P4HB: variants seen among roughly 807,000 people sequenced by gnomAD.
The protein encoded by P4HB is protein disulfide-isomerase.
Under a neutral mutation model 52.6 loss-of-function variants are expected in P4HB, and 20 were observed. The ratio of observed to expected loss-of-function variants is 0.38; its 90% CI spans 0.27 to 0.55. The LOEUF is 0.55. Among genes scored for constraint, P4HB ranks in the 20% least tolerant of loss-of-function variants. P4HB has a pLI of 0.74. For missense variants in P4HB, 601 were observed against 669.2 expected (o/e 0.90, Z 1.12); for synonymous variants, 296 against 277.9 (o/e 1.07, Z -0.65).
At chr17:81,857,605 C>T (rs1303745299) in intron 2 of P4HB, among the ~76,000 whole-genome samples, 1 of 152,242 alleles carries the variant, frequency 6.6e-6, no homozygotes, top group East Asian at 1.9e-4. Flanking sequence ...GACGCCCCGC[C>T]CACCTGACTC....
Position 81,855,199 on chromosome 17 carries a change from G to C in P4HB, c.567C>G (p.Asn189Lys). Residue 189 changes from asparagine to lysine, a missense_variant, in exon 4 of 11, where the codon AAC (asparagine) becomes AAG (lysine). Coordinates refer to ENST00000331483, the MANE Select transcript of P4HB (RefSeq NM_000918.4). This position sits in a 1 kb window ranked among gnomAD's most constrained non-coding sequence, Gnocchi z 4.3. ...IDDIPFGITS[N>K]SDVFSKYQLD... ...GCTGGTATTTGGAGAACACGTCACT[G>C]TTGGAAGTGATCCCAAATGGTATGT... The C allele has an allele frequency of 6.2e-7, 1 of 1,613,940 alleles. No homozygotes were observed. Among genetic ancestry groups the C allele is most frequent in the Non-Finnish European group, 8.5e-7 (1 of 1,179,862 alleles).
At chr17:81,856,862 C>A (rs1182960472) in intron 2 of P4HB, among the ~76,000 whole-genome samples, 1 of 151,916 alleles carries the variant, frequency 6.6e-6, no homozygotes, top group African/African-American at 2.4e-5. Context: ...GTTGGCCAGG[C>A]TGGTCTTGAA....
chr17:81,860,278 C>T (rs2038978633), intron 1 of P4HB, 49 bp downstream of exon 1: 4 of 1,356,200 alleles, frequency 2.9e-6, no homozygotes, highest in African/African-American at 3.1e-5. Flanking sequence ...TCCCAAGAGC[C>T]TGGCTCAGCG....
chr17:81,847,452 C>G (rs1315266095), intron 4 of P4HB, 105 bp from the exon 5 acceptor site: 1 of 931,350 alleles, frequency 1.1e-6, no homozygotes, highest in East Asian at 2.4e-5. Flanking sequence ...GCAGCCCTGC[C>G]CTCCCGTGGG....
At chr17:81,857,222 C>T (rs1331101185) in intron 2 of P4HB, among the ~76,000 whole-genome samples, 1 of 152,264 alleles carries the variant, frequency 6.6e-6, no homozygotes, top group Middle Eastern at 3.4e-3. Context: ...GATCTCAGCT[C>T]ACTGCAACCT....
intron 9 of P4HB, 89 bp downstream of exon 9, chr17:81,845,472 A>C: frequency 6.1e-6 from 8 of 1,310,406 alleles, no homozygotes; most frequent in Non-Finnish European, 8.3e-6. Flanking sequence ...GACTAGCCCC[A>C]GGCTCCTTCC....
chr17:81,844,219 G>A, intron 10 of P4HB, 127 bp from the exon 11 acceptor site: 1 of 766,638 alleles, frequency 1.3e-6, no homozygotes, highest in East Asian at 2.4e-5. Context: ...ACCGGCCACT[G>A]GAGCAGCCAA....
At position 81,845,946 on chromosome 17, in the gene P4HB, G is replaced by C; in HGVS notation, c.1102C>G (p.Pro368Ala). The change falls in exon 8 of 11, where the codon CCT becomes GCT. Residue 368 changes from proline (P) to alanine (A), a missense_variant. Coordinates refer to ENST00000331483, the MANE Select transcript of P4HB (RefSeq NM_000918.4). ...TTCTTCCCAACAAGCACCTTGACAGGCTGCTTGTCCCAGTCCTCCGGCAGC... is the reference window on the plus strand; with the variant it reads ...TTCTTCCCAACAAGCACCTTGACAGCCTGCTTGTCCCAGTCCTCCGGCAGC... ...QELPEDWDKQ[P>A]VKVLVGKNFE... 6.2e-7 allele frequency: 1 copy of C among 1,613,230 alleles called. No individual in the cohort carries two copies. Among genetic ancestry groups the C allele is most frequent in the Non-Finnish European group, 8.5e-7 (1 of 1,179,678 alleles).
intron 2 of P4HB, among the ~76,000 whole-genome samples, chr17:81,857,302 C>T (rs763354030): frequency 6.6e-6 from 1 of 152,162 alleles, no homozygotes; most frequent in Non-Finnish European, 1.5e-5. Context: ...CGTGCACCAC[C>T]ACGCCCGGCT....
chr17:81,856,661 T>C (rs1056254375), intron 2 of P4HB, among the ~76,000 whole-genome samples: 2 of 150,318 alleles, frequency 1.3e-5, no homozygotes, highest in African/African-American at 4.9e-5. Flanking sequence ...TTTTTTTTTT[T>C]TTTTGAGACG....
In P4HB at chr17:81,846,342, G is replaced by T; in HGVS notation, c.1056+87C>A. 1 of 1,225,108 alleles carries T rather than the reference G, an allele frequency of 8.2e-7. No homozygotes were observed. The highest frequency in any genetic ancestry group is 1.2e-5 in the South Asian group (1 of 81,084). The allele number at this position is 1,225,108 out of a possible 1,614,324, so 75.9% of individuals were successfully genotyped here. ...CTTACTCTGAAGATCTTACTTTGAG[G>T]ACGAAGCCCAGGACACTGAGAGCCC... On this transcript the variant is annotated intron_variant, in intron 7 of 10. Transcript: ENST00000331483. This position sits in a 1 kb window ranked among gnomAD's most constrained non-coding sequence, Gnocchi z 5.7.
In P4HB at chr17:81,855,875, T is replaced by G. The variant is rs552608991; in HGVS notation, c.353-289A>C. 2.9e-5 allele frequency: 10 copies of G among 345,914 alleles called. No homozygotes were observed. The highest frequency in any genetic ancestry group is 6.4e-5 in the African/African-American group (3 of 47,050). The allele number at this position is 345,914 out of a possible 1,614,324, so 21.4% of individuals were successfully genotyped here. On this transcript the variant is annotated intron_variant, in intron 2 of 10. Coordinates refer to ENST00000331483, the MANE Select transcript of P4HB (RefSeq NM_000918.4). This position sits in a 1 kb window ranked among gnomAD's most constrained non-coding sequence, Gnocchi z 4.3. ...TTTTTTCTCTGATCTCTCTGCATTT[T>G]CTTTTTTCTTTTGACACAGGGGCTC... is the stretch of plus-strand genomic sequence containing the variant.
intron 4 of P4HB, among the ~76,000 whole-genome samples, chr17:81,850,712 A>C (rs1051664547): frequency 6.6e-6 from 1 of 152,012 alleles, no homozygotes; most frequent in Non-Finnish European, 1.5e-5. Flanking sequence ...CAAGCTCCTG[A>C]CTTCAGGTGA....
chr17:81,855,359 A>AG lies in P4HB; in HGVS notation c.487-81dup, dbSNP rs2038896707. The AG allele has an allele frequency of 6.9e-6, 11 of 1,601,698 alleles. No individual in the cohort carries two copies. The highest frequency in any genetic ancestry group is 1.1e-5 in the South Asian group (1 of 90,072). Reference sequence around the variant, plus strand: ...GGGCAGACCCTGTAGAGCCCAGGCCAGGGGGGACACGTGCAGAACTGCCAG... The same window carrying AG: ...GGGCAGACCCTGTAGAGCCCAGGCCAGGGGGGGACACGTGCAGAACTGCCAG... On this transcript the variant is annotated intron_variant, in intron 3 of 10. Coordinates refer to ENST00000331483, the MANE Select transcript of P4HB (RefSeq NM_000918.4). The surrounding 1 kb of genome is among the most constrained non-coding windows in gnomAD (Gnocchi z 4.3).
rs2038957406 is a variant in P4HB, at chr17:81,859,029, A to T, written c.352+152T>A. 7.7e-6 allele frequency: 5 copies of T among 651,428 alleles called. No homozygotes were observed. The East Asian group carries it at 1.3e-4, about 17-fold the overall frequency. The allele number at this position is 651,428 out of a possible 1,614,324, so 40.4% of individuals were successfully genotyped here. On this transcript the variant is annotated intron_variant, in intron 2 of 10. Coordinates refer to ENST00000331483, the MANE Select transcript of P4HB (RefSeq NM_000918.4). Reference sequence around the variant, plus strand: ...AAACTCCTCACAAGACCCTCAGGGCACAAGTGGACAGAGAACCCGGCCTGA... The same window carrying T: ...AAACTCCTCACAAGACCCTCAGGGCTCAAGTGGACAGAGAACCCGGCCTGA...
chr17:81,855,200 T>C lies in P4HB; in HGVS notation c.566A>G (p.Asn189Ser), dbSNP rs777496228. The change falls in exon 4 of 11, where the codon AAC becomes AGC. Residue 189 changes from asparagine (N) to serine (S), a missense_variant. By Grantham distance (46) the Asn-to-Ser change is conservative. Transcript: ENST00000331483. The surrounding 1 kb of genome is among the most constrained non-coding windows in gnomAD (Gnocchi z 4.3). ...IDDIPFGITS[N>S]SDVFSKYQLD... ...CTGGTATTTGGAGAACACGTCACTGTTGGAAGTGATCCCAAATGGTATGTC... is the reference window on the plus strand; with the variant it reads ...CTGGTATTTGGAGAACACGTCACTGCTGGAAGTGATCCCAAATGGTATGTC... 6.8e-6 allele frequency: 11 copies of C among 1,613,880 alleles called. No individual in the cohort carries two copies. In the African/African-American group the frequency reaches 8.0e-5, roughly 12 times the overall value.
rs1425931944 is a variant in P4HB at position 81,846,223 on chromosome 17, G to C, written c.1056+206C>G. ...GCCGGCCAGGAGGTTTCCCTGAGGA[G>C]CATCTGGGCCAGCCGTGTGGACAAG... On this transcript the variant is annotated intron_variant, in intron 7 of 10. Coordinates refer to ENST00000331483, the MANE Select transcript of P4HB (RefSeq NM_000918.4). The surrounding 1 kb of genome is among the most constrained non-coding windows in gnomAD (Gnocchi z 5.7). 2.8e-6 allele frequency: 2 copies of C among 722,670 alleles called. No individual in the cohort carries two copies. Among genetic ancestry groups the C allele is most frequent in the African/African-American group, 1.8e-5 (1 of 56,104 alleles). 44.8% of individuals were successfully genotyped at this position (722,670 alleles called of 1,614,324 possible). A position where few individuals can be genotyped will look rare whatever the true frequency, so the allele number is the denominator to read the frequency against.
intron 2 of P4HB, among the ~76,000 whole-genome samples, chr17:81,858,633 T>A (rs2038951690): frequency 6.6e-6 from 1 of 152,160 alleles, no homozygotes; most frequent in Non-Finnish European, 1.5e-5. Flanking sequence ...GGGCCCGTGC[T>A]ACAGACGGAG....
Position 81,847,025 on chromosome 17 carries a change from C to G in P4HB, c.777G>C (p.Leu259=). Residue 259 remains leucine (L), a synonymous_variant, in exon 6 of 11, where the codon CTG becomes CTC. Coordinates refer to ENST00000331483, the MANE Select transcript of P4HB (RefSeq NM_000918.4). ...FGGEIKTHIL[L]FLPKSVSDYD... is the part of the protein sequence containing the mutation. ...AGTCAGACACACTCTTGGGCAAGAACAGCAGGATGTGAGTCTTGATTTCAC... is the reference window on the plus strand; with the variant it reads ...AGTCAGACACACTCTTGGGCAAGAAGAGCAGGATGTGAGTCTTGATTTCAC... The G allele has an allele frequency of 5.6e-6, 9 of 1,614,120 alleles. No homozygotes were observed. Among genetic ancestry groups the G allele is most frequent in the Non-Finnish European group, 7.6e-6 (9 of 1,180,014 alleles).
Sources: allele counts gnomAD v4.1 joint callset (sites outside exome capture counted in the v4.1 genomes callset), GRCh38; gene constraint gnomAD v4.1.1; non-coding constraint Gnocchi (gnomAD v3.1); transcripts MANE v1.5; gene names NCBI Gene and HGNC (gene_info 2026-07-23, HGNC 2026-07-21).